THSD4: variants seen among roughly 807,000 people sequenced by gnomAD.
The protein encoded by THSD4 is thrombospondin type-1 domain-containing protein 4.
Under a neutral mutation model 119.0 loss-of-function variants are expected in THSD4, and 69 were observed. The observed-to-expected ratio is 0.58, with a 90% CI of 0.48 to 0.71. THSD4 has a LOEUF of 0.71. Among genes scored for constraint, THSD4 ranks in the 30% least tolerant of loss-of-function variants. THSD4 has a pLI of 0.00. For synonymous variants in THSD4, 524 were observed against 540.4 expected (o/e 0.97, Z 0.42); for missense variants, 1,393 against 1,391.1 (o/e 1.00, Z -0.02).
intron 2 of THSD4, among the ~76,000 whole-genome samples, chr15:71,142,365 A>T (rs2040613138): frequency 6.6e-6 from 1 of 152,144 alleles, no homozygotes; most frequent in Admixed American, 6.5e-5. Flanking sequence ...TTGCAACTGT[A>T]GTCCATGTTA....
intron 10 of THSD4, among the ~76,000 whole-genome samples, chr15:71,734,826 TAA>T (rs779818860): frequency 2.2e-5 from 3 of 138,728 alleles, no homozygotes. Flanking sequence ...AAAAGCCTAT[TAA>T]AAAAAAAAAA....
At chr15:71,482,248 T>A (rs1000552583) in intron 7 of THSD4, among the ~76,000 whole-genome samples, 1 of 152,146 alleles carries the variant, frequency 6.6e-6, no homozygotes, top group Non-Finnish European at 1.5e-5. Flanking sequence ...CCAGCCATCA[T>A]ATTTGAGTTC....
chr15:71,561,105 G>C (rs1373282335), intron 7 of THSD4, among the ~76,000 whole-genome samples: 6 of 151,618 alleles, frequency 4.0e-5, no homozygotes, highest in Admixed American at 1.3e-4. Context: ...CTCCCGAGTA[G>C]CTGGGACTAC....
intron 7 of THSD4, among the ~76,000 whole-genome samples, chr15:71,421,860 C>G (rs76519915): frequency 0.01 from 1,586 of 152,222 alleles, 13 homozygotes; most frequent in Non-Finnish European, 0.016. Context: ...TTCCTTTTTA[C>G]TTTTTTTCTT....
rs191039073 is a variant in THSD4 at position 71,590,357 on chromosome 15, G to A, written c.1153-70173G>A. ...GACCTGGACTAGGTTGATAGGAATA[G>A]GCCATTCTCATTATGCAGCCATAAA... On this transcript the variant is annotated intron_variant, in intron 7 of 17. Transcript: ENST00000261862. 8.7e-3 allele frequency among the ~76,000 whole-genome samples: 1,196 copies of A among 137,494 alleles called. 143 individuals carry two copies. The highest frequency in any genetic ancestry group is 0.026 in the African/African-American group (1,033 of 39,518). 90.2% of individuals were successfully genotyped at this position (137,494 alleles called of 152,430 possible). A position where few individuals can be genotyped will look rare whatever the true frequency, so the allele number is the denominator to read the frequency against.
chr15:71,732,469 C>G (rs1158226636), intron 10 of THSD4: 1 of 152,128 alleles, frequency 6.6e-6, no homozygotes, highest in Non-Finnish European at 1.5e-5. Flanking sequence ...TGGAGCCCAC[C>G]ACCCAAATGC....
intron 7 of THSD4, among the ~76,000 whole-genome samples, chr15:71,559,557 T>C (rs2049078056): frequency 7.8e-6 from 1 of 127,944 alleles, no homozygotes; most frequent in Admixed American, 9.0e-5. Context: ...TTTATCCTTC[T>C]TTTCCTCCTT....
chr15:71,638,876 A>G (rs1192289706), intron 7 of THSD4, among the ~76,000 whole-genome samples: 1 of 152,216 alleles, frequency 6.6e-6, no homozygotes, highest in Non-Finnish European at 1.5e-5. Context: ...ACTTGTTCAT[A>G]AAGAGTCAGC....
intron 1 of THSD4, among the ~76,000 whole-genome samples, chr15:71,118,332 C>T (rs1002468092): frequency 3.9e-5 from 6 of 152,134 alleles, no homozygotes; most frequent in African/African-American, 1.4e-4. Context: ...CTGCCCTCCC[C>T]ACACCTCCCA....
chr15:71,720,958 CAAAG>C (rs963461856), intron 8 of THSD4, among the ~76,000 whole-genome samples: 2 of 152,230 alleles, frequency 1.3e-5, no homozygotes, highest in Admixed American at 1.3e-4. Context: ...CTTCATTTCT[CAAAG>C]AAGGAAACAA....
At chr15:71,461,630 G>A (rs138365934) in intron 7 of THSD4, among the ~76,000 whole-genome samples, 4 of 152,264 alleles carry the variant, frequency 2.6e-5, no homozygotes, top group African/African-American at 7.2e-5. Flanking sequence ...CAAAATATAT[G>A]TAGTCCTTTA....
At chr15:71,210,148 G>A (rs1021189123) in intron 3 of THSD4, among the ~76,000 whole-genome samples, 2 of 152,144 alleles carry the variant, frequency 1.3e-5, no homozygotes, top group Non-Finnish European at 2.9e-5. Context: ...TACCCCTAAG[G>A]TCACTCTAAT....
At chr15:71,169,207 A>G (rs1353940676) in intron 3 of THSD4, among the ~76,000 whole-genome samples, 1 of 152,228 alleles carries the variant, frequency 6.6e-6, no homozygotes, top group Non-Finnish European at 1.5e-5. Context: ...AATCAAAATC[A>G]TTAGTCCTTA....
intron 4 of THSD4, among the ~76,000 whole-genome samples, chr15:71,241,152 G>C (rs1445298801): frequency 6.6e-6 from 1 of 152,180 alleles, no homozygotes; most frequent in Non-Finnish European, 1.5e-5. Flanking sequence ...GGGCCATCCT[G>C]TAGAAACCCT....
At chr15:71,289,971 G>C (rs943094530) in intron 6 of THSD4, among the ~76,000 whole-genome samples, 1 of 152,042 alleles carries the variant, frequency 6.6e-6, no homozygotes, top group Admixed American at 6.5e-5. Flanking sequence ...GATGGTGCCC[G>C]GGCATGGGGG....
Position 71,109,124 on chromosome 15 carries a change from T to C in THSD4, c.-80+12118T>C, listed in dbSNP as rs1034398307. Among the ~76,000 whole-genome samples, 4 of 152,350 alleles carry C rather than the reference T, an allele frequency of 2.6e-5. No homozygotes were observed. In the South Asian group the frequency reaches 8.3e-4, roughly 32 times the overall value. ...GGAAGAAGCTGGTCCTGAACACTGA[T>C]CCTGTAGCTTCTGGATGAACACCTA... On this transcript the variant is annotated intron_variant, in intron 1 of 17. Coordinates refer to the THSD4 transcript ENST00000355327.
chr15:71,338,658 T>A (rs916655335), intron 6 of THSD4, among the ~76,000 whole-genome samples: 1 of 152,156 alleles, frequency 6.6e-6, no homozygotes, highest in East Asian at 1.9e-4. Context: ...GAGTTAGTTC[T>A]GTTGTTTGGG....
intron 6 of THSD4, among the ~76,000 whole-genome samples, chr15:71,325,210 C>T (rs1264554460): frequency 6.6e-6 from 1 of 152,146 alleles, no homozygotes; most frequent in Non-Finnish European, 1.5e-5. Flanking sequence ...TTGTCATGCC[C>T]AATGTTGCAA....
At chr15:71,251,313 A>T (rs1451131205) in intron 5 of THSD4, among the ~76,000 whole-genome samples, 1 of 152,212 alleles carries the variant, frequency 6.6e-6, no homozygotes, top group African/African-American at 2.4e-5. Context: ...GATTCTCCAC[A>T]GTGGACATTT....
Sources: allele counts gnomAD v4.1 joint callset (sites outside exome capture counted in the v4.1 genomes callset), GRCh38; gene constraint gnomAD v4.1.1; transcripts MANE v1.5; gene names NCBI Gene and HGNC (gene_info 2026-07-23, HGNC 2026-07-21).